The following PRKCH variants were observed in gnomAD, a reference collection of about 807,000 sequenced individuals.
The protein encoded by PRKCH is protein kinase C eta, also known as protein kinase C eta type.
In PRKCH, 28 loss-of-function variants were observed where a neutral mutation model predicts 82.5. The ratio of observed to expected loss-of-function variants is 0.34; its 90% CI spans 0.25 to 0.47. The LOEUF (loss-of-function observed/expected upper bound fraction) is 0.47, where lower values mean the gene tolerates loss of function less well. Among genes scored for constraint, PRKCH ranks in the 20% least tolerant of loss-of-function variants. The probability of loss-of-function intolerance (pLI) is 1.00; values close to 1 mark genes in which losing one functional copy is unlikely to be tolerated. For missense variants in PRKCH, 705 were observed against 881.8 expected, an observed-to-expected ratio of 0.80 and a Z score of 2.54; for synonymous variants, 322 against 327.4, an observed-to-expected ratio of 0.98 and a Z score of 0.18.
chr14:61,395,407 A>G (rs2046764096), intron 2 of PRKCH, among the ~76,000 whole-genome samples: 1 of 151,812 alleles, frequency 6.6e-6, no homozygotes, highest in Non-Finnish European at 1.5e-5. Context: ...CAGCCATAAT[A>G]TGACAGGTTG....
intron 1 of PRKCH, among the ~76,000 whole-genome samples, chr14:61,228,408 C>T (rs2044714666): frequency 6.6e-6 from 1 of 152,186 alleles, no homozygotes; most frequent in Non-Finnish European, 1.5e-5. Context: ...CTCCTCCCTC[C>T]TCATAGCAAG....
chr14:61,361,611 C>T (rs2046226158), intron 1 of PRKCH, among the ~76,000 whole-genome samples: 1 of 152,108 alleles, frequency 6.6e-6, no homozygotes, highest in African/African-American at 2.4e-5. Context: ...TAGATAGGAA[C>T]ATGGGCTTGG....
intron 2 of PRKCH, among the ~76,000 whole-genome samples, chr14:61,413,577 A>C (rs967008438): frequency 6.6e-6 from 1 of 151,914 alleles, no homozygotes; most frequent in Admixed American, 6.6e-5. Flanking sequence ...GATAGTTGTC[A>C]TTGCTTTTGC....
At chr14:61,267,138 T>C (rs1392823835) in intron 1 of PRKCH, among the ~76,000 whole-genome samples, 1 of 152,330 alleles carries the variant, frequency 6.6e-6, no homozygotes, top group South Asian at 2.1e-4. Flanking sequence ...ATGGAAGACA[T>C]CTTTTCCCTA....
At chr14:61,413,407 C>T (rs919979175) in intron 2 of PRKCH, among the ~76,000 whole-genome samples, 2 of 27,288 alleles carry the variant, frequency 7.3e-5, no homozygotes, top group Non-Finnish European at 1.2e-4. Context: ...TTAAGCGCCC[C>T]CCCCCCGCCC....
intron 10 of PRKCH, among the ~76,000 whole-genome samples, chr14:61,518,315 GAA>G (rs2042855148): frequency 6.6e-6 from 1 of 152,018 alleles, no homozygotes; most frequent in African/African-American, 2.4e-5. Context: ...GTCGGTGAGA[GAA>G]GTTTTCTTGG....
At chr14:61,480,999 C>A (rs984983694) in intron 9 of PRKCH, among the ~76,000 whole-genome samples, 1 of 152,178 alleles carries the variant, frequency 6.6e-6, no homozygotes, top group African/African-American at 2.4e-5. Flanking sequence ...AAGCTTCCCC[C>A]CAAACCCCAC....
intron 1 of PRKCH, among the ~76,000 whole-genome samples, chr14:61,267,843 A>T (rs1484746441): frequency 6.6e-6 from 1 of 152,218 alleles, no homozygotes; most frequent in Non-Finnish European, 1.5e-5. Context: ...TGTACCACTA[A>T]GAAAAAAAAT....
intron 1 of PRKCH, among the ~76,000 whole-genome samples, chr14:61,363,357 C>T (rs1043394467): frequency 6.6e-6 from 1 of 152,150 alleles, no homozygotes; most frequent in Non-Finnish European, 1.5e-5. Flanking sequence ...AGGAACCGAT[C>T]ATGATAGGCT....
At chr14:61,316,301 T>C (rs1218090092) in intron 1 of PRKCH, among the ~76,000 whole-genome samples, 2 of 152,192 alleles carry the variant, frequency 1.3e-5, no homozygotes, top group Non-Finnish European at 2.9e-5. Context: ...CTAATTCTAT[T>C]AAATGGAATG....
chr14:61,257,588 C>A (rs1261237332), intron 1 of PRKCH, among the ~76,000 whole-genome samples: 5 of 147,996 alleles, frequency 3.4e-5, no homozygotes, highest in African/African-American at 1.2e-4. Flanking sequence ...CTCCCTCTCT[C>A]TCTCTGTCAC....
intron 13 of PRKCH, among the ~76,000 whole-genome samples, chr14:61,549,060 C>T (rs925392603): frequency 2.6e-5 from 4 of 152,086 alleles, no homozygotes; most frequent in African/African-American, 9.7e-5. Context: ...GAGGTAAAGC[C>T]GTTCCTTCAA....
chr14:61,433,476 G>A (rs1431692652), intron 2 of PRKCH, among the ~76,000 whole-genome samples: 1 of 152,164 alleles, frequency 6.6e-6, no homozygotes, highest in Non-Finnish European at 1.5e-5. Flanking sequence ...GGTTGGACAG[G>A]TTGTTTGTGT....
chr14:61,404,460 T>TCCACCCAC (rs1289664677), intron 2 of PRKCH, among the ~76,000 whole-genome samples: 1 of 149,024 alleles, frequency 6.7e-6, no homozygotes, highest in African/African-American at 2.6e-5. Flanking sequence ...CATCCATCCA[T>TCCACCCAC]CCATCCACCC....
At position 61,344,410 on chromosome 14, in the gene PRKCH, G is replaced by A. The variant is rs987866301; in HGVS notation, c.363+21946G>A. On this transcript the variant is annotated intron_variant, in intron 1 of 13. Transcript: ENST00000332981. ...TGTTTCCATGAAAATAAACTGTTGA[G>A]TGCCAGGTATGGCAGCTGCAAACAG... 4 of 152,366 alleles carry A rather than the reference G, an allele frequency of 2.6e-5. No individual in the cohort carries two copies. In the Middle Eastern group the frequency reaches 0.014, roughly 518 times the overall value. The allele number at this position is 152,366 out of a possible 1,614,324, so 9.4% of individuals were successfully genotyped here. A position where few individuals can be genotyped will look rare whatever the true frequency, so the allele number is the denominator to read the frequency against.
chr14:61,377,063 A>G (rs2046436250), intron 1 of PRKCH, among the ~76,000 whole-genome samples: 1 of 152,180 alleles, frequency 6.6e-6, no homozygotes, highest in Admixed American at 6.5e-5. Context: ...GGTGGGTATC[A>G]TGGAAGAAGT....
chr14:61,221,236 C>A (rs917795912), intron 1 of PRKCH, among the ~76,000 whole-genome samples: 2 of 152,100 alleles, frequency 1.3e-5, no homozygotes, highest in Non-Finnish European at 2.9e-5. Flanking sequence ...GCTGCCAGAT[C>A]CCTGATGAGC....
chr14:61,411,357 C>T (rs1356602122), intron 2 of PRKCH, among the ~76,000 whole-genome samples: 3 of 152,168 alleles, frequency 2.0e-5, no homozygotes, highest in African/African-American at 7.2e-5. Flanking sequence ...TTCCAGTCAG[C>T]CACAGATGTA....
intron 10 of PRKCH, among the ~76,000 whole-genome samples, chr14:61,504,765 G>A (rs1049870319): frequency 2.0e-5 from 3 of 152,028 alleles, no homozygotes; most frequent in African/African-American, 7.3e-5. Flanking sequence ...ACACACTGGG[G>A]GAAATTGCCT....
Sources: allele counts gnomAD v4.1 joint callset (sites outside exome capture counted in the v4.1 genomes callset), GRCh38; gene constraint gnomAD v4.1.1; transcripts MANE v1.5; gene names NCBI Gene and HGNC (gene_info 2026-07-23, HGNC 2026-07-21).